Variants in CDK8 observed in about 807,000 individuals in gnomAD.
CDK8 encodes the protein cyclin-dependent kinase 8.
A neutral mutation model predicts 71.5 loss-of-function variants in CDK8; 29 were observed. That is an observed-to-expected ratio of 0.41 (90% CI 0.30 to 0.55). CDK8 has a LOEUF of 0.55. Among genes scored for constraint, CDK8 ranks in the 20% least tolerant of loss-of-function variants. CDK8 has a pLI of 0.37. For missense variants in CDK8, 288 were observed against 572.6 expected, an observed-to-expected ratio of 0.50 and a Z score of 5.07; for synonymous variants, 161 against 192.1, an observed-to-expected ratio of 0.84 and a Z score of 1.34.
At chr13:26,340,509 A>G (rs1873195172) in intron 2 of CDK8, among the ~76,000 whole-genome samples, 1 of 152,106 alleles carries the variant, frequency 6.6e-6, no homozygotes, top group African/African-American at 2.4e-5. Context: ...TTTTTTTAAT[A>G]TTCTTTTTTA....
At chr13:26,320,798 T>C (rs1593261755) in intron 1 of CDK8, among the ~76,000 whole-genome samples, 1 of 152,004 alleles carries the variant, frequency 6.6e-6, no homozygotes, top group African/African-American at 2.4e-5. Flanking sequence ...ATTAGGAAAA[T>C]ACAAATCAAA....
At chr13:26,403,879 G>T in intron 12 of CDK8, 77 bp from the exon 13 acceptor site, 1 of 1,535,802 alleles carries the variant, frequency 6.5e-7, no homozygotes, top group South Asian at 1.2e-5. Context: ...GAAACATAAT[G>T]ACACTTCAGT....
chr13:26,373,753 A>G (rs1212022444), intron 4 of CDK8, among the ~76,000 whole-genome samples: 2 of 152,174 alleles, frequency 1.3e-5, no homozygotes, highest in African/African-American at 4.8e-5. Flanking sequence ...TATCAAAAAC[A>G]GTAGTTAAAT....
chr13:26,294,640 G>A (rs1873458126), intron 1 of CDK8, among the ~76,000 whole-genome samples: 1 of 152,150 alleles, frequency 6.6e-6, no homozygotes, highest in Non-Finnish European at 1.5e-5. Flanking sequence ...GCATTAATTT[G>A]CATTTCCCTG....
intron 2 of CDK8, among the ~76,000 whole-genome samples, chr13:26,347,236 T>C (rs1373872207): frequency 2.0e-5 from 3 of 152,174 alleles, no homozygotes; most frequent in Non-Finnish European, 4.4e-5. Flanking sequence ...GAAAATATGC[T>C]CTCCTGGATG....
intron 1 of CDK8, among the ~76,000 whole-genome samples, chr13:26,260,404 A>T (rs1331802878): frequency 6.6e-6 from 1 of 152,144 alleles, no homozygotes; most frequent in South Asian, 2.1e-4. Flanking sequence ...CAGGGGTCTG[A>T]TTTAAGACTC....
At chr13:26,261,591 TTAATG>T (rs951863727) in intron 1 of CDK8, among the ~76,000 whole-genome samples, 4 of 152,242 alleles carry the variant, frequency 2.6e-5, no homozygotes, top group Non-Finnish European at 4.4e-5. Flanking sequence ...GTTTCTTTAT[TTAATG>T]TAATGTTTTC....
chr13:26,362,344 T>C (rs1005961566), intron 4 of CDK8, among the ~76,000 whole-genome samples: 2 of 152,116 alleles, frequency 1.3e-5, no homozygotes, highest in African/African-American at 4.8e-5. Flanking sequence ...TCCCATGATA[T>C]GCCAACTGCC....
chr13:26,312,453 C>T (rs996901954), intron 1 of CDK8, among the ~76,000 whole-genome samples: 4 of 152,154 alleles, frequency 2.6e-5, no homozygotes, highest in African/African-American at 9.7e-5. Context: ...GTCAGCGAGA[C>T]CATGAACCCA....
At chr13:26,378,645 A>G (rs552002110) in intron 4 of CDK8, among the ~76,000 whole-genome samples, 124 of 152,358 alleles carry the variant, frequency 8.1e-4, no homozygotes, top group African/African-American at 3.0e-3. Flanking sequence ...TCTCCATGGC[A>G]ACAAATACAG....
chr13:26,364,934 A>G (rs527832786), intron 4 of CDK8, among the ~76,000 whole-genome samples: 5 of 152,300 alleles, frequency 3.3e-5, no homozygotes, highest in Non-Finnish European at 7.4e-5. Flanking sequence ...ATCTGTTGCC[A>G]CTATTTTTCC....
At chr13:26,263,237 G>A (rs545306407) in intron 1 of CDK8, among the ~76,000 whole-genome samples, 3 of 152,176 alleles carry the variant, frequency 2.0e-5, no homozygotes, top group East Asian at 3.9e-4. Context: ...CCGGGTTCAC[G>A]CCATTCTCCT....
intron 9 of CDK8, among the ~76,000 whole-genome samples, chr13:26,399,707 TAA>T (rs1219943353): frequency 1.3e-5 from 2 of 152,248 alleles, no homozygotes; most frequent in African/African-American, 4.8e-5. Context: ...CTCCATATAT[TAA>T]CTCATTTAAT....
intron 4 of CDK8, among the ~76,000 whole-genome samples, chr13:26,360,020 C>G (rs1007333459): frequency 7.2e-5 from 11 of 152,110 alleles, no homozygotes; most frequent in Non-Finnish European, 7.4e-5. Context: ...CTGGCCTGGC[C>G]TCTTTCAGTA....
intron 1 of CDK8, among the ~76,000 whole-genome samples, chr13:26,299,324 T>A (rs1373606153): frequency 6.6e-6 from 1 of 152,148 alleles, no homozygotes; most frequent in Non-Finnish European, 1.5e-5. Flanking sequence ...AGAAATGCAT[T>A]GTTAGGTGAT....
chr13:26,306,201 C>T (rs1335789172), intron 1 of CDK8, among the ~76,000 whole-genome samples: 1 of 152,130 alleles, frequency 6.6e-6, no homozygotes, highest in Non-Finnish European at 1.5e-5. Flanking sequence ...TCTTCAGGGT[C>T]TCAACCAAAA....
intron 1 of CDK8, among the ~76,000 whole-genome samples, chr13:26,283,527 G>C (rs899355009): frequency 3.3e-5 from 5 of 152,144 alleles, no homozygotes; most frequent in Non-Finnish European, 7.3e-5. Context: ...AGAATTGCTT[G>C]AACCTGGGAG....
intron 1 of CDK8, among the ~76,000 whole-genome samples, chr13:26,299,429 T>C (rs576400834): frequency 1.3e-5 from 2 of 152,336 alleles, no homozygotes; most frequent in South Asian, 4.1e-4. Context: ...CTAGTGCTCC[T>C]AGGCTACAAA....
intron 1 of CDK8, among the ~76,000 whole-genome samples, chr13:26,257,369 T>TTA (rs1434605452): frequency 1.3e-5 from 2 of 152,208 alleles, no homozygotes; most frequent in Non-Finnish European, 2.9e-5. Context: ...CTTAAATTAT[T>TTA]AAGTTTTAGG....
Sources: allele counts gnomAD v4.1 joint callset (sites outside exome capture counted in the v4.1 genomes callset), GRCh38; gene constraint gnomAD v4.1.1; transcripts MANE v1.5; gene names NCBI Gene and HGNC (gene_info 2026-07-23, HGNC 2026-07-21).